Variants in MTHFS observed in about 807,000 individuals in gnomAD.
The protein encoded by MTHFS is methenyltetrahydrofolate synthetase.
A neutral mutation model predicts 12.7 loss-of-function variants in MTHFS; 7 were observed. That is an observed-to-expected ratio of 0.55 (90% CI 0.31 to 1.03). MTHFS has a LOEUF of 1.03. MTHFS is among the 50% of genes least tolerant of loss of function. MTHFS has a pLI of 0.05. For synonymous variants in MTHFS, 100 were observed against 97.1 expected (o/e 1.03, Z -0.18); for missense variants, 252 against 258.1 (o/e 0.98, Z 0.16).
chr15:79,866,628 G>A (rs1291841073), intron 2 of MTHFS, among the ~76,000 whole-genome samples: 1 of 152,118 alleles, frequency 6.6e-6, no homozygotes, highest in Non-Finnish European at 1.5e-5. Flanking sequence ...GCAAACACAC[G>A]ACCTTCCAAA....
intron 1 of MTHFS, among the ~76,000 whole-genome samples, chr15:79,892,234 A>C (rs2034487040): frequency 6.6e-6 from 1 of 152,182 alleles, no homozygotes; most frequent in African/African-American, 2.4e-5. Flanking sequence ...AGACTCAAAA[A>C]GCAGCCCTAA....
At chr15:79,860,478 G>A (rs1196917060) in intron 2 of MTHFS, among the ~76,000 whole-genome samples, 1 of 151,722 alleles carries the variant, frequency 6.6e-6, no homozygotes, top group East Asian at 1.9e-4. Context: ...TTACCAACCT[G>A]GAAAAAAATA....
At chr15:79,849,934 GTCTTT>G (rs1184035583) in intron 2 of MTHFS, among the ~76,000 whole-genome samples, 2 of 152,188 alleles carry the variant, frequency 1.3e-5, no homozygotes, top group African/African-American at 2.4e-5. Flanking sequence ...AACATCTTCC[GTCTTT>G]TCATTTGGTG....
intron 1 of MTHFS, among the ~76,000 whole-genome samples, chr15:79,891,669 G>A (rs2034474118): frequency 6.6e-6 from 1 of 152,066 alleles, no homozygotes; most frequent in South Asian, 2.1e-4. Context: ...AAGGCACAAA[G>A]GAAAATAAAT....
intron 1 of MTHFS, among the ~76,000 whole-genome samples, chr15:79,895,095 C>A (rs888189915): frequency 6.6e-6 from 1 of 152,146 alleles, no homozygotes; most frequent in African/African-American, 2.4e-5. Context: ...TGATATTATC[C>A]ATTTTATAGA....
intron 2 of MTHFS, among the ~76,000 whole-genome samples, chr15:79,866,046 G>GC (rs375882615): frequency 2.1e-5 from 3 of 146,282 alleles, no homozygotes; most frequent in African/African-American, 7.6e-5. Context: ...AATTTTATAA[G>GC]TTTTTTTTTT....
rs1270693317 is a variant in MTHFS at position 79,845,397 on chromosome 15, T to C, written c.425A>G (p.His142Arg). The C allele has an allele frequency of 1.2e-6, 2 of 1,614,166 alleles. No individual in the cohort carries two copies. Among genetic ancestry groups the C allele is most frequent in the African/African-American group, 1.3e-5 (1 of 75,040 alleles). ...CTTGCCCCTCCCCAGTCGGTTGCCA[T>C]GTTTGTCAAACCCAAGGCCTGGCAT... ...IFMPGLGFDK[H>R]GNRLGRGKGY... The change falls in exon 3 of 3, where the codon CAT becomes CGT. Residue 142 changes from histidine (H) to arginine (R), a missense_variant. His to Arg is a conservative substitution (Grantham distance 29, BLOSUM62 0). Transcript: ENST00000258874.
At chr15:79,872,557 C>T (rs986761776) in intron 2 of MTHFS, among the ~76,000 whole-genome samples, 14 of 152,304 alleles carry the variant, frequency 9.2e-5, no homozygotes, top group East Asian at 1.9e-4. Context: ...AAGGCAGGGG[C>T]TCCTGGCAAC....
At chr15:79,896,732 A>T in intron 1 of MTHFS, 140 bp downstream of exon 1, 227 of 433,274 alleles carry the variant, frequency 5.2e-4, no homozygotes, top group Non-Finnish European at 7.0e-4. Context: ...GCGCGCCGGG[A>T]GGGGAAACGT....
chr15:79,851,890 A>C (rs185331471), intron 2 of MTHFS, among the ~76,000 whole-genome samples: 1 of 152,348 alleles, frequency 6.6e-6, no homozygotes, highest in Admixed American at 6.5e-5. Flanking sequence ...AGTGTGTAGG[A>C]TTCTAGACAG....
intron 2 of MTHFS, among the ~76,000 whole-genome samples, chr15:79,847,021 G>A (rs2033629363): frequency 6.6e-6 from 1 of 152,202 alleles, no homozygotes; most frequent in African/African-American, 2.4e-5. Context: ...CCAATGCACG[G>A]CAGCAGTCTC....
intron 2 of MTHFS, among the ~76,000 whole-genome samples, chr15:79,878,476 T>C (rs1006748018): frequency 3.3e-5 from 5 of 149,898 alleles, no homozygotes; most frequent in East Asian, 3.9e-4. Context: ...GGATTACACA[T>C]GACCATTGCT....
At chr15:79,860,172 G>C in intron 2 of MTHFS, among the ~76,000 whole-genome samples, 1 of 152,072 alleles carries the variant, frequency 6.6e-6, no homozygotes, top group Non-Finnish European at 1.5e-5. Flanking sequence ...GGCAAATCAC[G>C]AGGTCAGGAG....
At chr15:79,883,038 T>C (rs1266753253) in intron 2 of MTHFS, among the ~76,000 whole-genome samples, 1 of 152,212 alleles carries the variant, frequency 6.6e-6, no homozygotes, top group African/African-American at 2.4e-5. Flanking sequence ...GACGTGTCTC[T>C]ACAAAAAATT....
At chr15:79,864,373 C>T (rs1176305736) in intron 2 of MTHFS, among the ~76,000 whole-genome samples, 1 of 151,534 alleles carries the variant, frequency 6.6e-6, no homozygotes, top group Non-Finnish European at 1.5e-5. Flanking sequence ...GGTGAAACCC[C>T]ATATCTACTA....
chr15:79,853,971 T>A (rs774890304), intron 2 of MTHFS, among the ~76,000 whole-genome samples: 1 of 152,216 alleles, frequency 6.6e-6, no homozygotes. Context: ...CTTAATTTAA[T>A]CTTCCCAACA....
In MTHFS at chr15:79,851,739, G is replaced by C. The variant is rs566691820; in HGVS notation, c.380-6297C>G. Among the ~76,000 whole-genome samples the C allele has an allele frequency of 3.3e-5, 5 of 152,318 alleles. No homozygotes were observed. The East Asian group carries it at 9.6e-4, about 29-fold the overall frequency. On this transcript the variant is annotated intron_variant, in intron 2 of 2. Transcript: ENST00000258874. ...AACTCATAAGAGACTCAGCTCATAA[G>C]AGGTGAAGCTGAGGGCTTGCTGTTC...
intron 2 of MTHFS, among the ~76,000 whole-genome samples, chr15:79,885,433 G>A (rs1240368948): frequency 6.6e-6 from 1 of 152,288 alleles, no homozygotes. Context: ...CAGCATTGGT[G>A]AGTTTAGTTT....
intron 2 of MTHFS, among the ~76,000 whole-genome samples, chr15:79,852,673 C>A (rs142646346): frequency 6.6e-6 from 1 of 152,204 alleles, no homozygotes; most frequent in Non-Finnish European, 1.5e-5. Context: ...CAGAATACAG[C>A]GACCATATTT....
Sources: allele counts gnomAD v4.1 joint callset (sites outside exome capture counted in the v4.1 genomes callset), GRCh38; gene constraint gnomAD v4.1.1; transcripts MANE v1.5; gene names NCBI Gene and HGNC (gene_info 2026-07-23, HGNC 2026-07-21).